The following UGGT2 variants were observed in gnomAD, a reference collection of about 807,000 sequenced individuals.
UGGT2 encodes UDP-glucose:glycoprotein glucosyltransferase 2.
In UGGT2, 180 loss-of-function variants were observed where a neutral mutation model predicts 192.1. The observed-to-expected ratio is 0.94, with a 90% confidence interval of 0.83 to 1.06. UGGT2 has a LOEUF of 1.06. Among genes scored for constraint, UGGT2 ranks in the 50% least tolerant of loss-of-function variants. UGGT2 has a pLI of 0.00. For missense variants in UGGT2, 1,849 were observed against 1,795.7 expected, an observed-to-expected ratio of 1.03 and a Z score of -0.54; for synonymous variants, 580 against 591.0, an observed-to-expected ratio of 0.98 and a Z score of 0.27.
chr13:95,921,193 G>A (rs1000077971), intron 20 of UGGT2, among the ~76,000 whole-genome samples: 2 of 152,020 alleles, frequency 1.3e-5, no homozygotes, highest in Admixed American at 6.6e-5. Context: ...TGGTCTGTTG[G>A]GGGTAGGGGG....
intron 38 of UGGT2, among the ~76,000 whole-genome samples, chr13:95,831,157 T>G (rs1886639962): frequency 6.6e-6 from 1 of 151,992 alleles, no homozygotes; most frequent in Non-Finnish European, 1.5e-5. Context: ...GGGATAGCAT[T>G]AGGTGACATA....
intron 26 of UGGT2, 25 bp from the exon 27 acceptor site, chr13:95,884,705 T>C (rs1265556286): frequency 1.3e-6 from 2 of 1,570,088 alleles, no homozygotes; most frequent in South Asian, 2.4e-5. Context: ...TAAAAATACA[T>C]AATGTGACCA....
intron 5 of UGGT2, among the ~76,000 whole-genome samples, chr13:96,012,840 A>G (rs1453883347): frequency 1.3e-5 from 2 of 152,032 alleles, no homozygotes; most frequent in African/African-American, 2.4e-5. Context: ...TTAAAACAGA[A>G]AAATGTGATA....
At chr13:95,872,233 T>C (rs770688102) in intron 29 of UGGT2, among the ~76,000 whole-genome samples, 16 of 152,198 alleles carry the variant, frequency 1.1e-4, no homozygotes, top group Non-Finnish European at 2.9e-5. Flanking sequence ...TCAAGGTAAG[T>C]AACAGCCAAT....
At position 95,928,958 on chromosome 13, in the gene UGGT2, C is replaced by T. The variant is rs190830691; in HGVS notation, c.1978-1622G>A. ...CTGCAATCCCGGCACCTCGGGAGGC[C>T]GGGGCTGGCAGATCACTCGAGGTCA... is the stretch of plus-strand genomic sequence containing the variant. On this transcript the variant is annotated intron_variant, in intron 17 of 38. Transcript: ENST00000376747. Among the ~76,000 whole-genome samples, 334 of 152,280 alleles carry T rather than the reference C, an allele frequency of 2.2e-3. 2 individuals carry two copies. The highest frequency in any genetic ancestry group is 7.6e-3 in the African/African-American group (316 of 41,574).
At chr13:95,842,881 C>A (rs1446970096) in intron 36 of UGGT2, among the ~76,000 whole-genome samples, 1 of 152,192 alleles carries the variant, frequency 6.6e-6, no homozygotes, top group Non-Finnish European at 1.5e-5. Context: ...AGTCCCCGGG[C>A]TGACACAATG....
At chr13:95,911,824 G>T (rs527599649) in intron 20 of UGGT2, among the ~76,000 whole-genome samples, 1 of 152,304 alleles carries the variant, frequency 6.6e-6, no homozygotes, top group East Asian at 1.9e-4. Context: ...GAACATCAAT[G>T]CAAAAATCCT....
At position 95,877,326 on chromosome 13, in the gene UGGT2, T is replaced by A. The variant is rs1215930156; in HGVS notation, c.3426A>T (p.Ile1142=). The change falls in exon 29 of 39, where the codon ATA becomes ATT. Residue 1142 remains isoleucine (I), a synonymous_variant. Coordinates refer to ENST00000376747, the MANE Select transcript of UGGT2 (RefSeq NM_020121.4). ...FQLKANPGAW[I]LRLHQGKSED... The stretch of plus-strand genomic sequence containing the variant: ...CAGATTTTCCTTGGTGTAACCTCAG[T>A]ATCCAAGCACCTGGGTTTGCTTTTA... 8.7e-6 allele frequency: 14 copies of A among 1,608,352 alleles called. No individual in the cohort carries two copies. The highest frequency in any genetic ancestry group is 1.2e-5 in the Non-Finnish European group (14 of 1,178,132).
rs1884519142 is a variant in UGGT2, at chr13:95,810,320, C to T, written c.4529-8508G>A. On this transcript the variant is annotated intron_variant, in intron 38 of 38. Coordinates refer to ENST00000376747, the MANE Select transcript of UGGT2 (RefSeq NM_020121.4). ...TAAGCAGATACACCACTTGAGCTCA[C>T]TCCAACAGCAACAGGAGGTGGCTAC... Among the ~76,000 whole-genome samples, 5 of 152,326 alleles carry T rather than the reference C, an allele frequency of 3.3e-5. No homozygotes were observed. In the South Asian group the frequency reaches 1.0e-3, roughly 32 times the overall value.
rs956230283 is a variant in UGGT2, at chr13:96,048,973, C to G, written c.158+4182G>C. Among the ~76,000 whole-genome samples, 5 of 145,776 alleles carry G rather than the reference C, an allele frequency of 3.4e-5. No individual in the cohort carries two copies. The South Asian group carries it at 1.0e-3, about 31-fold the overall frequency. On this transcript the variant is annotated intron_variant, in intron 1 of 38. Transcript: ENST00000376747. ...TACAAAAAAAGGGAATCCTCCCTAACTCATTTTATAAGGCCAGCATCATCC... is the reference window on the plus strand; with the variant it reads ...TACAAAAAAAGGGAATCCTCCCTAAGTCATTTTATAAGGCCAGCATCATCC...
chr13:95,951,746 T>G (rs768230619), intron 12 of UGGT2, among the ~76,000 whole-genome samples: 15 of 152,202 alleles, frequency 9.9e-5, no homozygotes, highest in South Asian at 4.1e-4. Flanking sequence ...GAACATGGTA[T>G]AAGCCAGCTT....
chr13:95,951,366 T>C (rs1303937590), intron 12 of UGGT2, among the ~76,000 whole-genome samples: 1 of 152,180 alleles, frequency 6.6e-6, no homozygotes, highest in Non-Finnish European at 1.5e-5. Context: ...GTCAATGAGC[T>C]TACTCAGTCT....
At chr13:95,926,893 T>C in intron 19 of UGGT2, 135 bp downstream of exon 19, 1 of 784,130 alleles carries the variant, frequency 1.3e-6, no homozygotes, top group Non-Finnish European at 2.0e-6. Flanking sequence ...ACTAAAAAAT[T>C]TACAAACTCT....
chr13:95,916,779 A>G (rs895940086), intron 20 of UGGT2, among the ~76,000 whole-genome samples: 1 of 152,222 alleles, frequency 6.6e-6, no homozygotes, highest in African/African-American at 2.4e-5. Context: ...ATAACCGAAC[A>G]GACCAAGCAG....
chr13:95,927,778 AG>A (rs1379413722), intron 17 of UGGT2, among the ~76,000 whole-genome samples: 1 of 152,056 alleles, frequency 6.6e-6, no homozygotes, highest in Non-Finnish European at 1.5e-5. Context: ...TTGTGAACAA[AG>A]GTCTCTGGTT....
intron 29 of UGGT2, among the ~76,000 whole-genome samples, chr13:95,869,164 T>G (rs1373209756): frequency 6.6e-6 from 1 of 151,962 alleles, no homozygotes; most frequent in African/African-American, 2.4e-5. Context: ...TGCGATAGTT[T>G]GCTGAGAATG....
intron 29 of UGGT2, among the ~76,000 whole-genome samples, chr13:95,869,252 G>T (rs998367064): frequency 6.6e-6 from 1 of 152,044 alleles, no homozygotes; most frequent in African/African-American, 2.4e-5. Context: ...ATTCCATGGT[G>T]TATATGTGCC....
chr13:95,949,243 C>A, intron 13 of UGGT2, 92 bp downstream of exon 13: 1 of 1,223,412 alleles, frequency 8.2e-7, no homozygotes, highest in South Asian at 2.7e-5. Flanking sequence ...TTCCTTACAA[C>A]TCAGATGCCT....
chr13:95,865,961 A>T (rs956326805), intron 30 of UGGT2, among the ~76,000 whole-genome samples: 5 of 152,226 alleles, frequency 3.3e-5, no homozygotes, highest in Non-Finnish European at 7.3e-5. Context: ...AATCCGTCCA[A>T]GGTCACACAG....
Sources: allele counts gnomAD v4.1 joint callset (sites outside exome capture counted in the v4.1 genomes callset), GRCh38; gene constraint gnomAD v4.1.1; transcripts MANE v1.5; gene names NCBI Gene and HGNC (gene_info 2026-07-23, HGNC 2026-07-21).